The following ZHX3 variants were observed in gnomAD, a reference collection of about 807,000 sequenced individuals.
ZHX3 encodes zinc fingers and homeoboxes 3, also known as zinc fingers and homeoboxes protein 3.
In ZHX3, 20 loss-of-function variants were observed where a neutral mutation model predicts 64.5. The observed-to-expected ratio is 0.31, with a 90% confidence interval of 0.22 to 0.45. ZHX3 has a LOEUF of 0.45. Ranked by LOEUF, ZHX3 falls within the 20% of genes least tolerant of loss-of-function variation. ZHX3 has a pLI of 1.00. For synonymous variants in ZHX3, 423 were observed against 461.6 expected (o/e 0.92, Z 1.07); for missense variants, 1,041 against 1,195.8 (o/e 0.87, Z 1.91).
rs2037434755 is a variant in ZHX3, at chr20:41,195,779, T to C, written c.2860+6278A>G. Among the ~76,000 whole-genome samples, 1 of 152,238 alleles carries C rather than the reference T, an allele frequency of 6.6e-6. No individual in the cohort carries two copies. Among genetic ancestry groups the C allele is most frequent in the South Asian group, 2.1e-4 (1 of 4,834 alleles). On this transcript the variant is annotated intron_variant, in intron 3 of 3. Coordinates refer to ENST00000683867, the MANE Select transcript of ZHX3 (RefSeq NM_001384317.1). This position sits in a 1 kb window ranked among gnomAD's most constrained non-coding sequence, Gnocchi z 4.2. ...TTACCTCTTAGGATTGCTTTCACTA[T>C]GTGTCATAAGTTCTGGTATGCTGTG...
chr20:41,199,273 T>G (rs1483550733), intron 3 of ZHX3, among the ~76,000 whole-genome samples: 2 of 152,340 alleles, frequency 1.3e-5, no homozygotes, highest in African/African-American at 4.8e-5. Flanking sequence ...TTCCTGTGAA[T>G]GGACCATGGT....
rs1446638905 is a variant in ZHX3 at position 41,232,615 on chromosome 20, G to A, written c.-150-27549C>T. On this transcript the variant is annotated intron_variant, in intron 2 of 3. Transcript: ENST00000683867. The surrounding 1 kb of genome is among the most constrained non-coding windows in gnomAD (Gnocchi z 5.0). ...AAAATTCTTCTTTTTTTTTTGAGAC[G>A]GAGTCTCGCTGTCGCCCAGGCTGGA... Among the ~76,000 whole-genome samples, 1 of 151,612 alleles carries A rather than the reference G, an allele frequency of 6.6e-6. No individual in the cohort carries two copies. The highest frequency in any genetic ancestry group is 2.4e-5 in the African/African-American group (1 of 41,282).
rs189140356 is a variant in ZHX3 at position 41,313,940 on chromosome 20, C to G, written c.-245+3569G>C. 1.6e-3 allele frequency among the ~76,000 whole-genome samples: 245 copies of G among 152,290 alleles called. 1 individual carries two copies. The highest frequency in any genetic ancestry group is 5.6e-3 in the African/African-American group (234 of 41,562). ...AAATAATTTTCATTTAGGATTCCCC[C>G]CTTACCACCACCACTACCAACTTCT... On this transcript the variant is annotated intron_variant, in intron 1 of 3. Coordinates refer to ENST00000683867, the MANE Select transcript of ZHX3 (RefSeq NM_001384317.1).
intron 2 of ZHX3, among the ~76,000 whole-genome samples, chr20:41,256,518 C>T (rs1273391673): frequency 1.3e-5 from 2 of 151,618 alleles, no homozygotes; most frequent in Admixed American, 6.6e-5. Flanking sequence ...TCACTATTCC[C>T]GTAATTTACC....
At chr20:41,209,700 T>A (rs1355615597) in intron 2 of ZHX3, among the ~76,000 whole-genome samples, 4 of 152,172 alleles carry the variant, frequency 2.6e-5, no homozygotes, top group Non-Finnish European at 5.9e-5. Flanking sequence ...TAATTCGAGA[T>A]GGATTAAAGA....
chr20:41,300,652 A>G (rs1057341273), intron 1 of ZHX3, among the ~76,000 whole-genome samples: 1 of 152,212 alleles, frequency 6.6e-6, no homozygotes, highest in African/African-American at 2.4e-5. Context: ...GAGGGGTCAG[A>G]GAAGGCTTTT....
At chr20:41,194,876 A>AT (rs1209909029) in intron 3 of ZHX3, among the ~76,000 whole-genome samples, 1 of 152,174 alleles carries the variant, frequency 6.6e-6, no homozygotes, top group African/African-American at 2.4e-5. Context: ...TCATGTGAAA[A>AT]TATCTTATAT....
chr20:41,194,917 T>G (rs1202835745), intron 3 of ZHX3, among the ~76,000 whole-genome samples: 1 of 152,152 alleles, frequency 6.6e-6, no homozygotes, highest in Non-Finnish European at 1.5e-5. Context: ...CCCTCTTTCC[T>G]TTCTGATGTT....
chr20:41,293,581 A>G (rs1190439286), intron 1 of ZHX3, among the ~76,000 whole-genome samples: 3 of 152,244 alleles, frequency 2.0e-5, no homozygotes, highest in Non-Finnish European at 4.4e-5. Flanking sequence ...ACACTTGAGT[A>G]TACTGCTACA....
At chr20:41,305,130 A>T (rs1413066437) in intron 1 of ZHX3, among the ~76,000 whole-genome samples, 1 of 152,246 alleles carries the variant, frequency 6.6e-6, no homozygotes, top group Non-Finnish European at 1.5e-5. Context: ...ATTGAGGTTC[A>T]AAGATTAAGG....
intron 3 of ZHX3, among the ~76,000 whole-genome samples, chr20:41,188,266 A>C (rs2036691940): frequency 6.6e-6 from 1 of 152,114 alleles, no homozygotes. Flanking sequence ...ACTGGGATAA[A>C]ATGACATCTC....
intron 2 of ZHX3, among the ~76,000 whole-genome samples, chr20:41,234,211 C>T (rs753203017): frequency 2.0e-5 from 3 of 152,196 alleles, no homozygotes; most frequent in Non-Finnish European, 4.4e-5. Flanking sequence ...AAGATTCCTC[C>T]CCCACAAAAC....
chr20:41,312,462 C>T (rs1232533152), intron 1 of ZHX3, among the ~76,000 whole-genome samples: 1 of 152,206 alleles, frequency 6.6e-6, no homozygotes, highest in Non-Finnish European at 1.5e-5. Flanking sequence ...AGAGCTGTAA[C>T]ACTCACCACA....
chr20:41,214,080 A>G (rs1235004209), intron 2 of ZHX3, among the ~76,000 whole-genome samples: 3 of 152,214 alleles, frequency 2.0e-5, no homozygotes. Context: ...GTCTCTTAAA[A>G]AAAGAAAAAT....
intron 2 of ZHX3, among the ~76,000 whole-genome samples, chr20:41,216,478 T>C (rs2039541641): frequency 6.6e-6 from 1 of 152,236 alleles, no homozygotes; most frequent in African/African-American, 2.4e-5. Context: ...ATTGTATTTT[T>C]ACATCCTATT....
intron 2 of ZHX3, among the ~76,000 whole-genome samples, chr20:41,240,646 C>G (rs2041319794): frequency 1.3e-5 from 2 of 152,120 alleles, no homozygotes. Context: ...CCCTATTTCC[C>G]CCCCGTCACT....
chr20:41,250,004 G>A (rs2041911187), intron 2 of ZHX3, among the ~76,000 whole-genome samples: 1 of 152,086 alleles, frequency 6.6e-6, no homozygotes, highest in Non-Finnish European at 1.5e-5. Flanking sequence ...ACCAACAAGG[G>A]GGATAGCTCA....
rs1333136446 is a variant in ZHX3 at position 41,224,372 on chromosome 20, C to T, written c.-150-19306G>A. Among the ~76,000 whole-genome samples, 1 of 152,160 alleles carries T rather than the reference C, an allele frequency of 6.6e-6. No individual in the cohort carries two copies. Among genetic ancestry groups the T allele is most frequent in the Non-Finnish European group, 1.5e-5 (1 of 68,022 alleles). On this transcript the variant is annotated intron_variant, in intron 2 of 3. Transcript: ENST00000683867. The surrounding 1 kb of genome is among the most constrained non-coding windows in gnomAD (Gnocchi z 5.2). ...TTTTCACACAGTTGAAGATCATTTC[C>T]TCTTTTAGTATTTACTTCTGCAGCT...
At chr20:41,229,498 C>T (rs566311484) in intron 2 of ZHX3, among the ~76,000 whole-genome samples, 5 of 152,258 alleles carry the variant, frequency 3.3e-5, no homozygotes, top group African/African-American at 1.2e-4. Context: ...ATAACAGCTG[C>T]ACCATTTTAC....
Sources: allele counts gnomAD v4.1 joint callset (sites outside exome capture counted in the v4.1 genomes callset), GRCh38; gene constraint gnomAD v4.1.1; non-coding constraint Gnocchi (gnomAD v3.1); transcripts MANE v1.5; gene names NCBI Gene and HGNC (gene_info 2026-07-23, HGNC 2026-07-21).